The following OPCML variants were observed in gnomAD, a reference collection of about 807,000 sequenced individuals.
The protein encoded by OPCML is opioid binding protein/cell adhesion molecule like.
In OPCML, 13 loss-of-function variants were observed where a neutral mutation model predicts 37.8. The observed-to-expected ratio is 0.34, with a 90% CI of 0.22 to 0.55. The LOEUF (loss-of-function observed/expected upper bound fraction) is 0.55, where lower values mean the gene tolerates loss of function less well. Among genes scored for constraint, OPCML ranks in the 20% least tolerant of loss-of-function variants. The pLI, the probability that OPCML is intolerant of heterozygous loss-of-function variation, is 0.91. For synonymous variants in OPCML, 176 were observed against 168.8 expected, an observed-to-expected ratio of 1.04 and a Z score of -0.33; for missense variants, 341 against 435.6, an observed-to-expected ratio of 0.78 and a Z score of 1.93.
intron 1 of OPCML, among the ~76,000 whole-genome samples, chr11:132,994,027 C>T (rs1946830968): frequency 6.6e-6 from 1 of 152,230 alleles, no homozygotes; most frequent in African/African-American, 2.4e-5. Flanking sequence ...GATGTGATTC[C>T]CAAGCTGTCC....
intron 1 of OPCML, among the ~76,000 whole-genome samples, chr11:133,414,195 A>G (rs531752822): frequency 1.3e-5 from 2 of 152,292 alleles, no homozygotes; most frequent in Non-Finnish European, 2.9e-5. Flanking sequence ...ATGCTGAATC[A>G]TGGGGCGAGA....
intron 2 of OPCML, among the ~76,000 whole-genome samples, chr11:132,715,006 G>A (rs1944415091): frequency 6.6e-6 from 1 of 152,172 alleles, no homozygotes; most frequent in Admixed American, 6.5e-5. Flanking sequence ...TCCAATCCTA[G>A]TGACACTTAA....
chr11:132,860,091 G>A (rs1013083581), intron 2 of OPCML: 1 of 152,242 alleles, frequency 6.6e-6, no homozygotes, highest in African/African-American at 2.4e-5. Context: ...TACATCAACT[G>A]TGGTAGGAAA....
intron 4 of OPCML, among the ~76,000 whole-genome samples, chr11:132,503,385 GA>G (rs1013511307): frequency 7.2e-5 from 11 of 152,160 alleles, no homozygotes; most frequent in African/African-American, 2.7e-4. Context: ...TCTACTGATA[GA>G]AGGTATTGAT....
intron 2 of OPCML, among the ~76,000 whole-genome samples, chr11:132,714,749 C>T (rs1944404441): frequency 6.6e-6 from 1 of 152,144 alleles, no homozygotes; most frequent in South Asian, 2.1e-4. Flanking sequence ...CATATCTTTT[C>T]AAGGACACAC....
At chr11:132,969,938 C>G (rs1312821915) in intron 1 of OPCML, among the ~76,000 whole-genome samples, 1 of 152,134 alleles carries the variant, frequency 6.6e-6, no homozygotes, top group South Asian at 2.1e-4. Flanking sequence ...GTTTCTGTTG[C>G]TGTATTTTTT....
Position 133,262,680 on chromosome 11 carries a change from A to G in OPCML, c.61+269584T>C, listed in dbSNP as rs138071107. 1.9e-3 allele frequency among the ~76,000 whole-genome samples: 292 copies of G among 152,222 alleles called. 4 individuals are homozygous for G. Among genetic ancestry groups the G allele is most frequent in the African/African-American group, 6.9e-3 (287 of 41,544 alleles). On this transcript the variant is annotated intron_variant, in intron 1 of 7. Coordinates refer to ENST00000524381, the MANE Select transcript of OPCML (RefSeq NM_001012393.5). ...CTTGAGCCCTCTCGTGTGGCTTCCTATCCAGGTCTTTCTGGCAAGCTCTTT... is the reference window on the plus strand; with the variant it reads ...CTTGAGCCCTCTCGTGTGGCTTCCTGTCCAGGTCTTTCTGGCAAGCTCTTT...
At chr11:132,716,972 A>G (rs1230592008) in intron 2 of OPCML, among the ~76,000 whole-genome samples, 4 of 152,324 alleles carry the variant, frequency 2.6e-5, no homozygotes, top group Admixed American at 2.0e-4. Context: ...ATAGTCAGTA[A>G]GCCTGTCTAA....
chr11:133,512,693 C>T (rs1466176913), intron 1 of OPCML, among the ~76,000 whole-genome samples: 2 of 152,064 alleles, frequency 1.3e-5, no homozygotes, highest in Non-Finnish European at 2.9e-5. Flanking sequence ...CTCATTGGGA[C>T]AAAAAGGTGT....
chr11:132,827,617 T>G lies in OPCML; in HGVS notation c.146+115309A>C, dbSNP rs914882113. Among the ~76,000 whole-genome samples, 11 of 152,308 alleles carry G rather than the reference T, an allele frequency of 7.2e-5. No homozygotes were observed. In the East Asian group the frequency reaches 1.5e-3, roughly 21 times the overall value. On this transcript the variant is annotated intron_variant, in intron 2 of 7. Coordinates refer to ENST00000524381, the MANE Select transcript of OPCML (RefSeq NM_001012393.5). ...CATAAAAACCTGTGCACCAATGTGC[T>G]TTTGTTGTTGTTGTTTTTGTTGTCT... is the stretch of plus-strand genomic sequence containing the variant.
intron 1 of OPCML, among the ~76,000 whole-genome samples, chr11:133,188,884 T>A (rs1370813522): frequency 6.6e-6 from 1 of 152,176 alleles, no homozygotes; most frequent in South Asian, 2.1e-4. Flanking sequence ...TTCTGCACTT[T>A]GACACTCACA....
intron 1 of OPCML, among the ~76,000 whole-genome samples, chr11:133,312,162 T>G (rs1051966757): frequency 6.6e-6 from 1 of 152,240 alleles, no homozygotes; most frequent in African/African-American, 2.4e-5. Flanking sequence ...CTGTAGAGAT[T>G]GAGAATTCAT....
intron 3 of OPCML, among the ~76,000 whole-genome samples, chr11:132,633,007 G>A (rs911548711): frequency 8.6e-5 from 13 of 151,028 alleles, no homozygotes; most frequent in Admixed American, 8.6e-4. Context: ...CTCATGACAA[G>A]TGAGTCAGCT....
chr11:132,426,162 T>C (rs2095977060), intron 7 of OPCML, among the ~76,000 whole-genome samples: 1 of 152,084 alleles, frequency 6.6e-6, no homozygotes, highest in Non-Finnish European at 1.5e-5. Flanking sequence ...ACAAAATACT[T>C]TGGGGACAGG....
chr11:132,657,250 A>G lies in OPCML; in HGVS notation c.216T>C (p.Asn72=). The G allele has an allele frequency of 6.2e-7, 1 of 1,614,250 alleles. No homozygotes were observed. ...CACGAGGGTCTATGGACCACTTGTC[A>G]TTCCCAGCGTAGAGGATGGTGCTGC... The part of the protein sequence containing the change: ...LNRSTILYAG[N]DKWSIDPRVI... Residue 72 remains asparagine (N), a synonymous_variant, in exon 3 of 8, where the codon AAT becomes AAC. Transcript: ENST00000524381.
chr11:133,404,634 T>C (rs1348874242), intron 1 of OPCML, among the ~76,000 whole-genome samples: 3 of 152,190 alleles, frequency 2.0e-5, no homozygotes, highest in Non-Finnish European at 2.9e-5. Context: ...AAGAGGTCGA[T>C]TGAGTAGTAA....
intron 2 of OPCML, among the ~76,000 whole-genome samples, chr11:132,873,147 C>T (rs1942874259): frequency 6.6e-6 from 1 of 152,100 alleles, no homozygotes. Context: ...ATGTTTCTTC[C>T]AGGAGTGGTT....
At chr11:132,918,973 T>C (rs1944697895) in intron 2 of OPCML, among the ~76,000 whole-genome samples, 1 of 152,162 alleles carries the variant, frequency 6.6e-6, no homozygotes, top group African/African-American at 2.4e-5. Context: ...AGGAGCTAAC[T>C]GTGGATAATG....
intron 2 of OPCML, among the ~76,000 whole-genome samples, chr11:132,887,601 A>G (rs1167887574): frequency 6.6e-6 from 1 of 152,230 alleles, no homozygotes; most frequent in Non-Finnish European, 1.5e-5. Context: ...GAGGATGATG[A>G]TACCCATTTG....
Sources: allele counts gnomAD v4.1 joint callset (sites outside exome capture counted in the v4.1 genomes callset), GRCh38; gene constraint gnomAD v4.1.1; transcripts MANE v1.5; gene names NCBI Gene and HGNC (gene_info 2026-07-23, HGNC 2026-07-21).